The following PXDNL variants were observed in gnomAD, a reference collection of about 807,000 sequenced individuals.
The protein encoded by PXDNL is probable oxidoreductase PXDNL.
Under a neutral mutation model 150.8 loss-of-function variants are expected in PXDNL, and 145 were observed. The ratio of observed to expected loss-of-function variants is 0.96; its 90% CI spans 0.84 to 1.10. The LOEUF is 1.10. Ranked by LOEUF, PXDNL falls within the 50% of genes least tolerant of loss-of-function variation. The probability of loss-of-function intolerance (pLI) is 0.00; values close to 1 mark genes in which losing one functional copy is unlikely to be tolerated. For missense variants in PXDNL, 2,087 were observed against 1,873.9 expected (o/e 1.11, Z -2.10); for synonymous variants, 757 against 725.7 (o/e 1.04, Z -0.69).
At position 51,527,495 on chromosome 8, in the gene PXDNL, T is replaced by G. The variant is rs1251814409; in HGVS notation, c.381-27725A>C. Among the ~76,000 whole-genome samples, 3 of 152,224 alleles carry G rather than the reference T, an allele frequency of 2.0e-5. No homozygotes were observed. The East Asian group carries it at 5.8e-4, about 29-fold the overall frequency. On this transcript the variant is annotated intron_variant, in intron 4 of 22. Transcript: ENST00000356297. ...GCATTTCATGGTTGCCAAACACTGT[T>G]CCAGCTGCTTTATATGAAGTATCCG... is the stretch of plus-strand genomic sequence containing the variant.
chr8:51,806,048 T>C (rs2037672010), intron 1 of PXDNL, among the ~76,000 whole-genome samples: 1 of 152,228 alleles, frequency 6.6e-6, no homozygotes. Context: ...GCAGGCTTTT[T>C]GGTAAATGAT....
chr8:51,517,495 C>A (rs1259120974), intron 4 of PXDNL, among the ~76,000 whole-genome samples: 1 of 151,836 alleles, frequency 6.6e-6, no homozygotes, highest in Non-Finnish European at 1.5e-5. Flanking sequence ...ATTGTAGACA[C>A]AATTGACTAT....
intron 1 of PXDNL, among the ~76,000 whole-genome samples, chr8:51,700,352 C>T (rs564533877): frequency 2.6e-5 from 4 of 151,998 alleles, no homozygotes; most frequent in Non-Finnish European, 4.4e-5. Flanking sequence ...CACATACATA[C>T]ACCCACAAGT....
intron 4 of PXDNL, among the ~76,000 whole-genome samples, chr8:51,521,477 T>C (rs1269632845): frequency 6.6e-6 from 1 of 151,964 alleles, no homozygotes; most frequent in Admixed American, 6.6e-5. Flanking sequence ...AAAATAATAA[T>C]AATAAACAGA....
chr8:51,688,914 T>C (rs1031213933), intron 1 of PXDNL, among the ~76,000 whole-genome samples: 2 of 152,260 alleles, frequency 1.3e-5, no homozygotes, highest in Non-Finnish European at 1.5e-5. Context: ...GAAATCCTCG[T>C]AACCCACCAA....
chr8:51,753,765 C>G (rs1287053139), intron 1 of PXDNL, among the ~76,000 whole-genome samples: 55 of 152,204 alleles, frequency 3.6e-4, no homozygotes, highest in Non-Finnish European at 7.4e-5. Context: ...CAGATGAAAG[C>G]TGATCATCTA....
At chr8:51,583,949 C>T (rs565558995) in intron 3 of PXDNL, among the ~76,000 whole-genome samples, 3 of 152,136 alleles carry the variant, frequency 2.0e-5, no homozygotes, top group African/African-American at 2.4e-5. Context: ...CTGGATGAGT[C>T]GCCCAAAGAG....
intron 12 of PXDNL, among the ~76,000 whole-genome samples, chr8:51,433,977 T>C (rs1809325123): frequency 6.6e-6 from 1 of 152,200 alleles, no homozygotes; most frequent in Non-Finnish European, 1.5e-5. Context: ...TCAGGTTCTT[T>C]TATTCACTAT....
At chr8:51,783,859 G>A (rs1470225270) in intron 1 of PXDNL, among the ~76,000 whole-genome samples, 1 of 152,134 alleles carries the variant, frequency 6.6e-6, no homozygotes, top group Non-Finnish European at 1.5e-5. Flanking sequence ...AAAGAAATTG[G>A]TAAAATGGAA....
chr8:51,506,469 A>T (rs1230181574), intron 4 of PXDNL, among the ~76,000 whole-genome samples: 5 of 131,640 alleles, frequency 3.8e-5, no homozygotes, highest in African/African-American at 1.4e-4. Context: ...TGAACCAGGG[A>T]TTCGGAGGTT....
Position 51,336,700 on chromosome 8 carries a change from G to A in PXDNL, c.4146+2924C>T, listed in dbSNP as rs114902310. ...ATGATCTGGGTTGATTTCTGGCTTTGGTCAATATTTCTTATTGCTGGTGTT... is the reference window on the plus strand; with the variant it reads ...ATGATCTGGGTTGATTTCTGGCTTTAGTCAATATTTCTTATTGCTGGTGTT... On this transcript the variant is annotated intron_variant, in intron 21 of 22. Coordinates refer to ENST00000356297, the MANE Select transcript of PXDNL (RefSeq NM_144651.5). 2.1e-3 allele frequency among the ~76,000 whole-genome samples: 323 copies of A among 152,164 alleles called. 1 individual carries two copies. The highest frequency in any genetic ancestry group is 7.4e-3 in the African/African-American group (308 of 41,504).
At chr8:51,656,839 T>C (rs938446188) in intron 1 of PXDNL, among the ~76,000 whole-genome samples, 1 of 152,304 alleles carries the variant, frequency 6.6e-6, no homozygotes, top group East Asian at 1.9e-4. Flanking sequence ...AAAATGAACA[T>C]CTTTTAAGCA....
intron 1 of PXDNL, among the ~76,000 whole-genome samples, chr8:51,732,772 C>T (rs1043206303): frequency 2.7e-5 from 4 of 150,584 alleles, no homozygotes; most frequent in African/African-American, 7.3e-5. Context: ...TAGGGAAACT[C>T]CCCTTTATAA....
intron 19 of PXDNL, among the ~76,000 whole-genome samples, chr8:51,358,982 C>G (rs374396449): frequency 6.6e-6 from 1 of 152,298 alleles, no homozygotes; most frequent in African/African-American, 2.4e-5. Context: ...AGCTTCTGCC[C>G]TCAGAGTGTG....
chr8:51,564,768 A>G (rs1278944582), intron 3 of PXDNL, among the ~76,000 whole-genome samples: 1 of 151,998 alleles, frequency 6.6e-6, no homozygotes, highest in Non-Finnish European at 1.5e-5. Flanking sequence ...TGCAAGGCTC[A>G]TCAATGATGC....
Position 51,447,015 on chromosome 8 carries a change from A to C in PXDNL, c.1514T>G (p.Val505Gly). 1.9e-6 allele frequency: 3 copies of C among 1,613,956 alleles called. No individual in the cohort carries two copies. Among genetic ancestry groups the C allele is most frequent in the Non-Finnish European group, 2.5e-6 (3 of 1,179,872 alleles). The change falls in exon 12 of 23, where the codon GTA becomes GGA. Residue 505 changes from valine to glycine, a missense_variant. By Grantham distance (109) the Val-to-Gly change is moderately radical. Transcript: ENST00000356297. ...ACAGTATATATTACCTTTGGGTTTT[A>C]CAGTCAGCTGCACAGACACCTTTTT... ...GVKKVSVQLTVKPKALAVFTQ... is the reference protein window; with the variant it reads ...GVKKVSVQLTGKPKALAVFTQ...
At chr8:51,484,702 C>T (rs947350816) in intron 5 of PXDNL, among the ~76,000 whole-genome samples, 8 of 152,098 alleles carry the variant, frequency 5.3e-5, no homozygotes, top group South Asian at 2.1e-4. Flanking sequence ...TGGAAGGTGG[C>T]GGGAGTAGGA....
intron 1 of PXDNL, among the ~76,000 whole-genome samples, chr8:51,743,668 C>G (rs1444247284): frequency 1.3e-5 from 2 of 152,102 alleles, no homozygotes; most frequent in Non-Finnish European, 2.9e-5. Flanking sequence ...AGGCATGAGC[C>G]ACCATGCCCG....
chr8:51,537,063 A>G (rs1812094100), intron 4 of PXDNL, among the ~76,000 whole-genome samples: 1 of 152,248 alleles, frequency 6.6e-6, no homozygotes, highest in Non-Finnish European at 1.5e-5. Flanking sequence ...TGTAGACAGA[A>G]AAGCAAACAT....
Sources: allele counts gnomAD v4.1 joint callset (sites outside exome capture counted in the v4.1 genomes callset), GRCh38; gene constraint gnomAD v4.1.1; transcripts MANE v1.5; gene names NCBI Gene and HGNC (gene_info 2026-07-23, HGNC 2026-07-21).